Variants in ANKS1B observed in about 807,000 individuals in gnomAD.
ANKS1B encodes ankyrin repeat and sterile alpha motif domain-containing protein 1B.
In ANKS1B, 36 loss-of-function variants were observed where a neutral mutation model predicts 148.3. That is an observed-to-expected ratio of 0.24 (90% CI 0.19 to 0.32). ANKS1B has a LOEUF of 0.32. Among genes scored for constraint, ANKS1B ranks in the 10% least tolerant of loss-of-function variants. ANKS1B has a pLI of 1.00. For synonymous variants in ANKS1B, 542 were observed against 560.8 expected, an observed-to-expected ratio of 0.97 and a Z score of 0.47; for missense variants, 1,157 against 1,542.6, an observed-to-expected ratio of 0.75 and a Z score of 4.19.
chr12:98,950,636 C>T (rs953179173), intron 17 of ANKS1B, among the ~76,000 whole-genome samples: 2 of 127,876 alleles, frequency 1.6e-5, no homozygotes, highest in African/African-American at 3.7e-5. Flanking sequence ...TTTAGTCCTG[C>T]CCCCCAAAAG....
chr12:99,571,207 T>C (rs1395931617), intron 9 of ANKS1B, among the ~76,000 whole-genome samples: 1 of 152,086 alleles, frequency 6.6e-6, no homozygotes, highest in Non-Finnish European at 1.5e-5. Context: ...TACCATAACA[T>C]GTGTATAAAA....
intron 12 of ANKS1B, among the ~76,000 whole-genome samples, chr12:99,334,479 A>C (rs2088340547): frequency 6.6e-6 from 1 of 151,806 alleles, no homozygotes; most frequent in Non-Finnish European, 1.5e-5. Flanking sequence ...ATCTCCACCC[A>C]CTCTTGAGTG....
In ANKS1B at chr12:98,885,145, T is replaced by C. The variant is rs73139173; in HGVS notation, c.2779-53009A>G. On this transcript the variant is annotated intron_variant, in intron 17 of 26. Transcript: ENST00000683438. ...ATACATTCCAGAATCTGATTTAAGATGGAAAATTTAAACTGCTTCACAGAA... is the reference window on the plus strand; with the variant it reads ...ATACATTCCAGAATCTGATTTAAGACGGAAAATTTAAACTGCTTCACAGAA... Among the ~76,000 whole-genome samples, 412 of 152,258 alleles carry C rather than the reference T, an allele frequency of 2.7e-3. 2 individuals carry two copies. Among genetic ancestry groups the C allele is most frequent in the Middle Eastern group, 0.014 (4 of 294 alleles).
rs115251259 is a variant in ANKS1B, at chr12:99,964,115, C to T, written c.134+19989G>A. Among the ~76,000 whole-genome samples, 687 of 152,218 alleles carry T rather than the reference C, an allele frequency of 4.5e-3. 13 individuals carry two copies. The highest frequency in any genetic ancestry group is 0.016 in the African/African-American group (652 of 41,548). On this transcript the variant is annotated intron_variant, in intron 1 of 26. Transcript: ENST00000683438. ...CTGGAGGCCTACTACATGTCCACAA[C>T]ACTATACATGAAAAAAAGCCCATTA...
At chr12:98,938,586 A>G (rs533413579) in intron 17 of ANKS1B, among the ~76,000 whole-genome samples, 26 of 152,346 alleles carry the variant, frequency 1.7e-4, no homozygotes, top group Non-Finnish European at 3.1e-4. Flanking sequence ...CTGAAAATGC[A>G]ACTGCAGTTG....
chr12:98,831,183 A>C (rs1012115126), intron 18 of ANKS1B: 6 of 152,006 alleles, frequency 3.9e-5, no homozygotes, highest in African/African-American at 1.4e-4. Context: ...TCCTGACCTC[A>C]TGACCCGCCC....
intron 14 of ANKS1B, among the ~76,000 whole-genome samples, chr12:99,197,938 A>G (rs1373999986): frequency 6.6e-6 from 1 of 152,140 alleles, no homozygotes; most frequent in Non-Finnish European, 1.5e-5. Context: ...ATTCTATGTC[A>G]TGCTTTCTTG....
At chr12:99,206,667 T>G (rs2082706646) in intron 14 of ANKS1B, among the ~76,000 whole-genome samples, 1 of 152,178 alleles carries the variant, frequency 6.6e-6, no homozygotes, top group South Asian at 2.1e-4. Context: ...TTTGCTTCTT[T>G]TTTAGAGCTA....
rs147519839 is a variant in ANKS1B, at chr12:99,203,918, T to C, written c.2419+40424A>G. On this transcript the variant is annotated intron_variant, in intron 14 of 26. Transcript: ENST00000683438. Reference sequence around the variant, plus strand: ...TCTTATTAATGTGATTTTGTCATTCTGTAAGTGCCCAGTAATAACATGTTA... The same window carrying C: ...TCTTATTAATGTGATTTTGTCATTCCGTAAGTGCCCAGTAATAACATGTTA... 2.6e-3 allele frequency among the ~76,000 whole-genome samples: 392 copies of C among 152,344 alleles called. 1 individual carries two copies. The highest frequency in any genetic ancestry group is 8.8e-3 in the African/African-American group (368 of 41,586).
At chr12:99,695,672 T>C (rs1174004382) in intron 8 of ANKS1B, among the ~76,000 whole-genome samples, 1 of 152,006 alleles carries the variant, frequency 6.6e-6, no homozygotes, top group Non-Finnish European at 1.5e-5. Context: ...AAATAGGAGC[T>C]GAACAATGAG....
intron 15 of ANKS1B, among the ~76,000 whole-genome samples, chr12:99,152,506 A>G (rs1057398423): frequency 3.3e-5 from 5 of 152,164 alleles, no homozygotes; most frequent in Non-Finnish European, 5.9e-5. Context: ...TACATGATTC[A>G]TTCATGAATA....
intron 11 of ANKS1B, among the ~76,000 whole-genome samples, chr12:99,425,553 T>C (rs1001600203): frequency 6.6e-6 from 1 of 152,006 alleles, no homozygotes; most frequent in Non-Finnish European, 1.5e-5. Flanking sequence ...TATCAGTCTG[T>C]GCCTGCATCA....
chr12:99,515,893 T>G (rs2153043636), intron 9 of ANKS1B, among the ~76,000 whole-genome samples: 1 of 152,298 alleles, frequency 6.6e-6, no homozygotes, highest in Middle Eastern at 3.4e-3. Context: ...TAGTTTTGAT[T>G]TGCATGTCTC....
At chr12:99,330,473 C>A (rs185529873) in intron 12 of ANKS1B, among the ~76,000 whole-genome samples, 1 of 151,926 alleles carries the variant, frequency 6.6e-6, no homozygotes, top group Non-Finnish European at 1.5e-5. Context: ...CCTCAGGAAC[C>A]AATCCAGCTC....
intron 12 of ANKS1B, among the ~76,000 whole-genome samples, chr12:99,290,563 G>C (rs2079824074): frequency 6.6e-6 from 1 of 151,826 alleles, no homozygotes; most frequent in Non-Finnish European, 1.5e-5. Flanking sequence ...ACATTAAAAA[G>C]GTCATTAATC....
intron 19 of ANKS1B, among the ~76,000 whole-genome samples, chr12:98,819,394 G>T (rs1465843214): frequency 6.6e-6 from 1 of 152,142 alleles, no homozygotes; most frequent in East Asian, 1.9e-4. Context: ...AGGAGCTGGA[G>T]ACATTTAATA....
chr12:98,839,771 G>A (rs1012416084), intron 17 of ANKS1B, among the ~76,000 whole-genome samples: 4 of 152,026 alleles, frequency 2.6e-5, no homozygotes, highest in Admixed American at 2.0e-4. Flanking sequence ...ATTTTCATTA[G>A]AATCTCACAA....
rs535217339 is a variant in ANKS1B at position 99,388,101 on chromosome 12, C to T, written c.1756+11530G>A. Among the ~76,000 whole-genome samples, 248 of 152,116 alleles carry T rather than the reference C, an allele frequency of 1.6e-3. 2 individuals carry two copies. Among genetic ancestry groups the T allele is most frequent in the African/African-American group, 5.4e-3 (225 of 41,464 alleles). On this transcript the variant is annotated intron_variant, in intron 12 of 26. Transcript: ENST00000683438. ...GGACAAAGCATAAGATGTTCTTAAA[C>T]AGCGGAATGGCATGATCAGATATCC...
chr12:99,650,180 A>T (rs1011271047), intron 9 of ANKS1B: 4 of 143,592 alleles, frequency 2.8e-5, no homozygotes, highest in Admixed American at 7.2e-5. Flanking sequence ...AAATTAATAG[A>T]TGACAGAATA....
Sources: allele counts gnomAD v4.1 joint callset (sites outside exome capture counted in the v4.1 genomes callset), GRCh38; gene constraint gnomAD v4.1.1; transcripts MANE v1.5; gene names NCBI Gene and HGNC (gene_info 2026-07-23, HGNC 2026-07-21).